PEBP4: variants seen among roughly 807,000 people sequenced by gnomAD.
The protein encoded by PEBP4 is phosphatidylethanolamine-binding protein 4.
In PEBP4, 22 loss-of-function variants were observed where a neutral mutation model predicts 23.9. That is an observed-to-expected ratio of 0.92 (90% CI 0.66 to 1.31). The LOEUF (loss-of-function observed/expected upper bound fraction) is 1.31, where lower values mean the gene tolerates loss of function less well. Ranked by LOEUF, PEBP4 falls within the 40% of genes most tolerant of loss-of-function variation. PEBP4 has a pLI of 0.00. For missense variants in PEBP4, 324 were observed against 281.7 expected (o/e 1.15, Z -1.07); for synonymous variants, 112 against 99.3 (o/e 1.13, Z -0.76).
chr8:22,793,022 A>G (rs1274591971), intron 4 of PEBP4, among the ~76,000 whole-genome samples: 2 of 152,338 alleles, frequency 1.3e-5, no homozygotes, highest in African/African-American at 4.8e-5. Context: ...AATTATATAT[A>G]TTATAGAAAA....
intron 2 of PEBP4, among the ~76,000 whole-genome samples, chr8:22,926,630 G>A (rs1305998088): frequency 6.6e-6 from 1 of 152,148 alleles, no homozygotes; most frequent in Non-Finnish European, 1.5e-5. Flanking sequence ...ACACATGTGA[G>A]CCACTTCACC....
At chr8:22,787,475 C>T (rs1471585083) in intron 4 of PEBP4, among the ~76,000 whole-genome samples, 5 of 152,178 alleles carry the variant, frequency 3.3e-5, no homozygotes, top group African/African-American at 4.8e-5. Flanking sequence ...TTTTGATGGG[C>T]GAGTTTTGTC....
intron 4 of PEBP4, among the ~76,000 whole-genome samples, chr8:22,777,905 G>C (rs1805846192): frequency 6.6e-6 from 1 of 152,168 alleles, no homozygotes; most frequent in Admixed American, 6.5e-5. Flanking sequence ...ATTATAGCTT[G>C]GCTCCTTCGT....
At chr8:22,723,994 C>T (rs1804573372) in intron 6 of PEBP4, among the ~76,000 whole-genome samples, 3 of 152,276 alleles carry the variant, frequency 2.0e-5, no homozygotes, top group South Asian at 4.1e-4. Flanking sequence ...CACCCTCCCA[C>T]TTGCCTTCCT....
At chr8:22,748,280 G>A (rs1448728765) in intron 4 of PEBP4, among the ~76,000 whole-genome samples, 3 of 152,106 alleles carry the variant, frequency 2.0e-5, no homozygotes, top group Non-Finnish European at 4.4e-5. Flanking sequence ...GGACCATTGA[G>A]AGGAGCCCTC....
chr8:22,899,024 C>T (rs1026864673), intron 3 of PEBP4, among the ~76,000 whole-genome samples: 2 of 152,196 alleles, frequency 1.3e-5, no homozygotes, highest in Non-Finnish European at 2.9e-5. Flanking sequence ...CCCAGACAGG[C>T]GGTACAGCAC....
At chr8:22,882,885 G>T (rs746167229) in intron 3 of PEBP4, among the ~76,000 whole-genome samples, 1 of 152,084 alleles carries the variant, frequency 6.6e-6, no homozygotes, top group Non-Finnish European at 1.5e-5. Context: ...CTATTGAAAT[G>T]ATTCATACTA....
intron 4 of PEBP4, among the ~76,000 whole-genome samples, chr8:22,728,559 T>TCTTTCTTTCTTTCTTCCTTC (rs1462225042): frequency 1.3e-4 from 13 of 96,314 alleles, no homozygotes; most frequent in African/African-American, 3.2e-4. Context: ...TTTCTTTCTT[T>TCTTTCTTTCTTTCTTCCTTC]CTTCCTTCCT....
At chr8:22,808,194 T>A (rs1213972157) in intron 4 of PEBP4, among the ~76,000 whole-genome samples, 1 of 140,086 alleles carries the variant, frequency 7.1e-6, no homozygotes, top group Non-Finnish European at 1.6e-5. Context: ...CCTATCCAAC[T>A]TCCATCCATC....
chr8:22,867,803 G>A (rs188071882), intron 3 of PEBP4, among the ~76,000 whole-genome samples: 1 of 152,372 alleles, frequency 6.6e-6, no homozygotes, highest in East Asian at 1.9e-4. Flanking sequence ...ACTCAGGGAT[G>A]TTGAATGTGA....
chr8:22,766,444 A>C (rs975960261), intron 4 of PEBP4, among the ~76,000 whole-genome samples: 8 of 152,254 alleles, frequency 5.3e-5, no homozygotes, highest in African/African-American at 1.9e-4. Context: ...TCCTTTCCTC[A>C]GACTGAAATA....
chr8:22,771,464 G>A (rs190782803), intron 4 of PEBP4, among the ~76,000 whole-genome samples: 270 of 152,276 alleles, frequency 1.8e-3, no homozygotes, highest in African/African-American at 6.2e-3. Context: ...ACTCCAGCCT[G>A]GGTGACGGAG....
intron 4 of PEBP4, among the ~76,000 whole-genome samples, chr8:22,796,460 A>G (rs147685847): frequency 6.6e-6 from 1 of 152,282 alleles, no homozygotes; most frequent in East Asian, 1.9e-4. Flanking sequence ...TACTACTATC[A>G]TTGTCAACAG....
At chr8:22,752,767 G>A (rs1384607339) in intron 4 of PEBP4, among the ~76,000 whole-genome samples, 1 of 152,232 alleles carries the variant, frequency 6.6e-6, no homozygotes, top group Non-Finnish European at 1.5e-5. Flanking sequence ...CAGGATTCCA[G>A]AATTTGCATA....
chr8:22,914,625 C>A (rs1030956279), intron 3 of PEBP4, among the ~76,000 whole-genome samples: 16 of 152,298 alleles, frequency 1.1e-4, no homozygotes, highest in African/African-American at 3.8e-4. Flanking sequence ...CATAGCAGAG[C>A]CTACCCGCAG....
At chr8:22,840,515 T>C (rs979332821) in intron 3 of PEBP4, among the ~76,000 whole-genome samples, 5 of 152,034 alleles carry the variant, frequency 3.3e-5, no homozygotes, top group Non-Finnish European at 7.4e-5. Flanking sequence ...GTGCTGGGAT[T>C]ACAGACATAA....
Position 22,810,669 on chromosome 8 carries a change from G to GGTGTGT in PEBP4, c.357+6962_357+6967dup, listed in dbSNP as rs60078589. ...TTCCCTTTGGGGTGTCTCATGGAGG[G>GGTGTGT]GTGTGTGTGTGTGTGTGTGTGTGTG... On this transcript the variant is annotated intron_variant, in intron 4 of 6. Transcript: ENST00000256404. Among the ~76,000 whole-genome samples, 1,190 of 129,142 alleles carry GGTGTGT rather than the reference G, an allele frequency of 9.2e-3. 8 individuals are homozygous for GGTGTGT. Among genetic ancestry groups the GGTGTGT allele is most frequent in the African/African-American group, 1.0e-2 (333 of 33,320 alleles). The allele number at this position is 129,142 out of a possible 152,430, so 84.7% of individuals were successfully genotyped here. A position where few individuals can be genotyped will look rare whatever the true frequency, so the allele number is the denominator to read the frequency against.
intron 4 of PEBP4, among the ~76,000 whole-genome samples, chr8:22,790,013 G>A (rs935041344): frequency 2.0e-5 from 3 of 152,146 alleles, no homozygotes; most frequent in African/African-American, 2.4e-5. Context: ...CCCATGGCCC[G>A]CTGACCCCCA....
intron 3 of PEBP4, among the ~76,000 whole-genome samples, chr8:22,893,928 A>G (rs1808544653): frequency 6.6e-6 from 1 of 152,134 alleles, no homozygotes; most frequent in African/African-American, 2.4e-5. Flanking sequence ...TTTGATGAAA[A>G]CTGTAAACCC....
Sources: allele counts gnomAD v4.1 joint callset (sites outside exome capture counted in the v4.1 genomes callset), GRCh38; gene constraint gnomAD v4.1.1; transcripts MANE v1.5; gene names NCBI Gene and HGNC (gene_info 2026-07-23, HGNC 2026-07-21).